ADAM22: variants seen among roughly 807,000 people sequenced by gnomAD.
ADAM22 encodes disintegrin and metalloproteinase domain-containing protein 22.
A neutral mutation model predicts 144.6 loss-of-function variants in ADAM22; 65 were observed. The observed-to-expected ratio is 0.45, with a 90% confidence interval of 0.37 to 0.55. The LOEUF (loss-of-function observed/expected upper bound fraction) is 0.55. Ranked by LOEUF, ADAM22 falls within the 20% of genes least tolerant of loss-of-function variation. The pLI is 0.00. For synonymous variants in ADAM22, 391 were observed against 412.6 expected, an observed-to-expected ratio of 0.95 and a Z score of 0.63; for missense variants, 974 against 1,184.9, an observed-to-expected ratio of 0.82 and a Z score of 2.61.
chr7:88,180,129 T>C (rs1312713204), intron 27 of ADAM22, among the ~76,000 whole-genome samples: 1 of 152,094 alleles, frequency 6.6e-6, no homozygotes, highest in Non-Finnish European at 1.5e-5. Context: ...TGGAACTTTC[T>C]TAAGCATGAA....
At chr7:87,994,499 G>A (rs1790660488) in intron 3 of ADAM22, among the ~76,000 whole-genome samples, 1 of 152,146 alleles carries the variant, frequency 6.6e-6, no homozygotes, top group Admixed American at 6.5e-5. Context: ...TGACTATGCA[G>A]ATCTGATAGC....
intron 3 of ADAM22, among the ~76,000 whole-genome samples, chr7:88,055,333 A>C (rs1269885826): frequency 6.6e-6 from 1 of 151,912 alleles, no homozygotes; most frequent in Non-Finnish European, 1.5e-5. Context: ...GGAAGTAGAG[A>C]TCAGCCTGGG....
chr7:88,049,213 C>A (rs1805513836), intron 3 of ADAM22, among the ~76,000 whole-genome samples: 1 of 152,180 alleles, frequency 6.6e-6, no homozygotes, highest in Non-Finnish European at 1.5e-5. Context: ...AAATCCCTAA[C>A]ATCTCTGAGT....
At chr7:88,129,575 G>A (rs1271472148) in intron 9 of ADAM22, among the ~76,000 whole-genome samples, 2 of 151,988 alleles carry the variant, frequency 1.3e-5, no homozygotes, top group Admixed American at 6.6e-5. Context: ...GAATGTTTCT[G>A]TTCCCTAGGA....
rs202144055 is a variant in ADAM22, at chr7:88,143,017, C to T, written c.1221-9C>T. The T allele has an allele frequency of 9.6e-6, 15 of 1,565,992 alleles. No homozygotes were observed. Among genetic ancestry groups the T allele is most frequent in the Non-Finnish European group, 1.2e-5 (14 of 1,140,216 alleles). Reference sequence around the variant, plus strand: ...TGAACCCAGCTATTGCTTTTCTTCTCTTTTATAGCTATTATCTTCCTAAAA... The same window carrying T: ...TGAACCCAGCTATTGCTTTTCTTCTTTTTTATAGCTATTATCTTCCTAAAA... On this transcript the variant is annotated splice_polypyrimidine_tract_variant and intron_variant, in intron 14 of 31. Transcript: ENST00000413139.
intron 3 of ADAM22, among the ~76,000 whole-genome samples, chr7:88,058,838 A>G (rs191649475): frequency 6.0e-4 from 91 of 152,316 alleles, no homozygotes; most frequent in Non-Finnish European, 1.2e-3. Flanking sequence ...TATAGAACAT[A>G]TACTGTGTTG....
intron 7 of ADAM22, among the ~76,000 whole-genome samples, chr7:88,120,015 T>A (rs907921267): frequency 2.6e-5 from 4 of 152,170 alleles, no homozygotes; most frequent in Non-Finnish European, 5.9e-5. Flanking sequence ...ATCAGAATCA[T>A]CTGGAGGACT....
At chr7:87,947,149 G>C (rs1843876456) in intron 2 of ADAM22, among the ~76,000 whole-genome samples, 1 of 152,046 alleles carries the variant, frequency 6.6e-6, no homozygotes, top group Non-Finnish European at 1.5e-5. Context: ...CCAAATCTCA[G>C]CATCACTCAA....
At chr7:88,113,097 C>G in intron 5 of ADAM22, among the ~76,000 whole-genome samples, 1 of 140,496 alleles carries the variant, frequency 7.1e-6, no homozygotes, top group African/African-American at 2.6e-5. Context: ...AAAGTTCTTT[C>G]TGCATCCCCC....
At chr7:88,103,229 T>C (rs1453069843) in intron 4 of ADAM22, among the ~76,000 whole-genome samples, 1 of 152,208 alleles carries the variant, frequency 6.6e-6, no homozygotes, top group Non-Finnish European at 1.5e-5. Flanking sequence ...ACTATGGCTT[T>C]ACAGCTGTGC....
chr7:87,954,764 T>C (rs1020881545), intron 2 of ADAM22, among the ~76,000 whole-genome samples: 1 of 152,234 alleles, frequency 6.6e-6, no homozygotes, highest in Non-Finnish European at 1.5e-5. Context: ...ATTCTCCCCA[T>C]CACTTTCAGG....
intron 2 of ADAM22, among the ~76,000 whole-genome samples, chr7:87,958,149 T>C (rs1344712692): frequency 1.3e-5 from 2 of 152,306 alleles, no homozygotes; most frequent in Non-Finnish European, 2.9e-5. Context: ...TTATAAGCAG[T>C]ATATACCATT....
At chr7:88,062,730 A>G (rs994907972) in intron 3 of ADAM22, among the ~76,000 whole-genome samples, 1 of 152,144 alleles carries the variant, frequency 6.6e-6, no homozygotes, top group Admixed American at 6.6e-5. Context: ...AATTGTGTCT[A>G]GCTTTTGATT....
intron 2 of ADAM22, among the ~76,000 whole-genome samples, chr7:87,939,707 T>G (rs1842086749): frequency 1.3e-5 from 2 of 152,318 alleles, no homozygotes; most frequent in South Asian, 4.1e-4. Context: ...GCTGCTTGAG[T>G]ACTATTTAGA....
intron 4 of ADAM22, among the ~76,000 whole-genome samples, chr7:88,089,364 T>C (rs1051223122): frequency 6.6e-6 from 1 of 152,192 alleles, no homozygotes; most frequent in Non-Finnish European, 1.5e-5. Flanking sequence ...ATGAATCTTC[T>C]GAAGTAGAGA....
At chr7:87,979,788 G>A (rs1299444497) in intron 3 of ADAM22, among the ~76,000 whole-genome samples, 2 of 152,142 alleles carry the variant, frequency 1.3e-5, no homozygotes, top group Non-Finnish European at 2.9e-5. Flanking sequence ...AGGAGAGGAA[G>A]AGTGAAACAG....
At chr7:88,039,464 A>AAAAAAAAAAATATATATATATAT in intron 3 of ADAM22, among the ~76,000 whole-genome samples, 4 of 76,376 alleles carry the variant, frequency 5.2e-5, no homozygotes, top group African/African-American at 1.9e-4. Flanking sequence ...AAAAAAAAAA[A>AAAAAAAAAAATATATATATATAT]ATATATATAT....
intron 3 of ADAM22, among the ~76,000 whole-genome samples, chr7:88,013,586 G>A (rs1403568296): frequency 6.6e-6 from 1 of 151,996 alleles, no homozygotes; most frequent in Non-Finnish European, 1.5e-5. Flanking sequence ...CACCATGCCT[G>A]GCTAAATTTT....
At chr7:88,160,963 A>T (rs1841450929) in intron 22 of ADAM22, among the ~76,000 whole-genome samples, 1 of 151,966 alleles carries the variant, frequency 6.6e-6, no homozygotes, top group African/African-American at 2.4e-5. Flanking sequence ...GGGGCCTGTC[A>T]TGGGGCAGGG....
Sources: gnomAD v4.1 joint callset for allele counts (sites outside exome capture counted in the v4.1 genomes callset) on GRCh38, gnomAD v4.1.1 for gene constraint, MANE v1.5 for transcripts, NCBI Gene and HGNC (gene_info 2026-07-23, HGNC 2026-07-21) for gene names.